NLRP8: variants seen among roughly 807,000 people sequenced by gnomAD.
NLRP8 encodes the protein NACHT, LRR and PYD domains-containing protein 8.
NLRP8 carries 86 observed loss-of-function variants against 88.7 expected under a neutral mutation model. That is an observed-to-expected ratio of 0.97 (90% CI 0.81 to 1.16). NLRP8 has a LOEUF of 1.16. NLRP8 is among the 50% of genes most tolerant of loss of function. NLRP8 has a pLI of 0.00. For missense variants in NLRP8, 1,342 were observed against 1,286.5 expected (o/e 1.04, Z -0.66); for synonymous variants, 504 against 494.6 (o/e 1.02, Z -0.25).
At chr19:55,967,553 C>T (rs1449858295) in intron 5 of NLRP8, among the ~76,000 whole-genome samples, 1 of 152,196 alleles carries the variant, frequency 6.6e-6, no homozygotes, top group Admixed American at 6.5e-5. Context: ...CTGAATGGTA[C>T]TCCATTGTGT....
intron 3 of NLRP8, among the ~76,000 whole-genome samples, chr19:55,960,197 T>C (rs1170440037): frequency 6.6e-6 from 1 of 152,152 alleles, no homozygotes; most frequent in Admixed American, 6.6e-5. Flanking sequence ...GCTTTTAATA[T>C]TTAACTTACC....
At chr19:55,959,924 G>A (rs1441225421) in intron 3 of NLRP8, among the ~76,000 whole-genome samples, 1 of 152,168 alleles carries the variant, frequency 6.6e-6, no homozygotes, top group Non-Finnish European at 1.5e-5. Flanking sequence ...GATGGGTCCA[G>A]GTGCTGAGGT....
chr19:55,987,990 T>TAACGC lies in NLRP8; in HGVS notation c.*77_*78insAACGC. On this transcript the variant is annotated 3_prime_UTR_variant, in exon 10 of 10. Transcript: ENST00000291971. ...AACTGGCAAATACCAGGCGTTATCATCCTGTATGCATTAACGTACTTTCCC... is the reference window on the plus strand; with the variant it reads ...AACTGGCAAATACCAGGCGTTATCATAACGCCCTGTATGCATTAACGTACTTTCCC... 9.2e-7 allele frequency: 1 copy of TAACGC among 1,082,372 alleles called. No individual in the cohort carries two copies. Among genetic ancestry groups the TAACGC allele is most frequent in the Non-Finnish European group, 1.4e-6 (1 of 702,720 alleles). 67.0% of individuals were successfully genotyped at this position (1,082,372 alleles called of 1,614,324 possible).
Position 55,955,678 on chromosome 19 carries a change from C to G in NLRP8, c.1620C>G (p.Arg540=), listed in dbSNP as rs1979317906. 2.5e-6 allele frequency: 4 copies of G among 1,614,132 alleles called. No homozygotes were observed. The change falls in exon 3 of 10, where the codon CGC becomes CGG. Residue 540 remains arginine, a synonymous_variant. Transcript: ENST00000291971. ...TGTTGAGCCACGTGAATATCCAGCGCCTGATAGCGAGTCCCAGAGGAAGCA... is the reference window on the plus strand; with the variant it reads ...TGTTGAGCCACGTGAATATCCAGCGGCTGATAGCGAGTCCCAGAGGAAGCA...
At chr19:55,974,657 A>C (rs1980226115) in intron 7 of NLRP8, among the ~76,000 whole-genome samples, 2 of 150,252 alleles carry the variant, frequency 1.3e-5, no homozygotes, top group Admixed American at 6.7e-5. Flanking sequence ...AATGGCATGA[A>C]CCCGGGAGGC....
chr19:55,976,365 A>T (rs1188505137), intron 8 of NLRP8, 62 bp downstream of exon 8: 3 of 1,376,386 alleles, frequency 2.2e-6, no homozygotes, highest in Non-Finnish European at 2.9e-6. Context: ...GTCTCTCAGG[A>T]TGGAATATAT....
chr19:55,957,835 C>A (rs781239093), intron 3 of NLRP8, among the ~76,000 whole-genome samples: 2 of 151,452 alleles, frequency 1.3e-5, no homozygotes, highest in Non-Finnish European at 2.9e-5. Flanking sequence ...TCCTCATCCC[C>A]TCCACTCGAC....
At chr19:55,956,159 G>T (rs1283695399) in intron 3 of NLRP8, 59 bp downstream of exon 3, 1 of 1,521,280 alleles carries the variant, frequency 6.6e-7, no homozygotes, top group Non-Finnish European at 8.8e-7. Context: ...TGACTATGGT[G>T]TCCCGGGTGT....
At position 55,950,015 on chromosome 19, in the gene NLRP8, C is replaced by T. The variant is rs113670536; in HGVS notation, c.367+1746C>T. ...ATCATGTGAAAAGGAGAGAGAGTCA[C>T]CGGAAAAGAAAATCAGAGGGGATGG... is the stretch of plus-strand genomic sequence containing the variant. On this transcript the variant is annotated intron_variant, in intron 1 of 9. Coordinates refer to ENST00000291971, the MANE Select transcript of NLRP8 (RefSeq NM_176811.2). Among the ~76,000 whole-genome samples, 420 of 152,094 alleles carry T rather than the reference C, an allele frequency of 2.8e-3. 3 individuals carry two copies. The highest frequency in any genetic ancestry group is 9.3e-3 in the African/African-American group (385 of 41,474).
intron 1 of NLRP8, among the ~76,000 whole-genome samples, chr19:55,950,256 CA>C (rs59344059): frequency 1.5e-3 from 202 of 135,336 alleles, no homozygotes; most frequent in Middle Eastern, 3.8e-3. Flanking sequence ...ACTAAAACTA[CA>C]AAAAAAAAAA....
chr19:55,952,472 C>T, intron 1 of NLRP8, 66 bp from the exon 2 acceptor site: 2 of 1,347,752 alleles, frequency 1.5e-6, no homozygotes, highest in Middle Eastern at 1.8e-4. Context: ...CCATTGGCTC[C>T]ATGCTGTTTC....
rs145775300 is a variant in NLRP8 at position 55,949,462 on chromosome 19, T to C, written c.367+1193T>C. Among the ~76,000 whole-genome samples, 607 of 152,250 alleles carry C rather than the reference T, an allele frequency of 4.0e-3. 2 individuals are homozygous for C. The highest frequency in any genetic ancestry group is 0.013 in the African/African-American group (547 of 41,554). ...CATGTTGGCCAGGCTGGTTTCAAAC[T>C]CCTGACCTTAGGTGATTTGCCTGCC... On this transcript the variant is annotated intron_variant, in intron 1 of 9. Transcript: ENST00000291971.
intron 9 of NLRP8, among the ~76,000 whole-genome samples, chr19:55,986,730 C>T (rs1199313878): frequency 6.6e-6 from 1 of 152,186 alleles, no homozygotes; most frequent in South Asian, 2.1e-4. Context: ...ACTATCGCCA[C>T]GTGGGCGTGG....
intron 4 of NLRP8, among the ~76,000 whole-genome samples, chr19:55,963,743 C>G (rs1449192531): frequency 1.3e-5 from 2 of 151,774 alleles, no homozygotes; most frequent in African/African-American, 4.8e-5. Flanking sequence ...TTTGTAGAGA[C>G]AAGGTCTCCC....
At chr19:55,971,703 G>C (rs1335458604) in intron 6 of NLRP8, among the ~76,000 whole-genome samples, 1 of 152,006 alleles carries the variant, frequency 6.6e-6, no homozygotes, top group Admixed American at 6.6e-5. Flanking sequence ...TCTAAGAAAA[G>C]AATTGCAGGG....
intron 1 of NLRP8, among the ~76,000 whole-genome samples, chr19:55,952,294 T>C (rs1979129868): frequency 6.6e-6 from 1 of 152,160 alleles, no homozygotes; most frequent in South Asian, 2.1e-4. Flanking sequence ...GCTATCCATT[T>C]ATAACATGTT....
intron 9 of NLRP8, among the ~76,000 whole-genome samples, chr19:55,986,278 ACTCACACT>A (rs1568471618): frequency 6.7e-6 from 1 of 150,188 alleles, no homozygotes; most frequent in Non-Finnish European, 1.5e-5. Context: ...CCCAACACAC[ACTCACACT>A]CACACACACA....
chr19:55,986,833 T>C (rs921337132), intron 9 of NLRP8, among the ~76,000 whole-genome samples: 1 of 152,110 alleles, frequency 6.6e-6, no homozygotes, highest in African/African-American at 2.4e-5. Flanking sequence ...TGAGTATTCC[T>C]CCTGTCTTGC....
chr19:55,951,241 C>T (rs306504), intron 1 of NLRP8, among the ~76,000 whole-genome samples: 62,642 of 151,968 alleles, frequency 0.41, 13,012 homozygotes, highest in East Asian at 0.54. Context: ...TGGTTGACCA[C>T]GAGCTCAATG....
Sources: allele counts gnomAD v4.1 joint callset (sites outside exome capture counted in the v4.1 genomes callset), GRCh38; gene constraint gnomAD v4.1.1; transcripts MANE v1.5; gene names NCBI Gene and HGNC (gene_info 2026-07-23, HGNC 2026-07-21).